Variants in PSMB2 observed in about 807,000 individuals in gnomAD.
PSMB2 encodes proteasome 20S subunit beta 2.
PSMB2 carries 13 observed loss-of-function variants against 25.7 expected under a neutral mutation model. The ratio of observed to expected loss-of-function variants is 0.51; its 90% CI spans 0.33 to 0.80. The LOEUF is 0.80. Ranked by LOEUF, PSMB2 falls within the 30% of genes least tolerant of loss-of-function variation. The probability of loss-of-function intolerance (pLI) is 0.02; values close to 1 mark genes in which losing one functional copy is unlikely to be tolerated. For missense variants in PSMB2, 202 were observed against 259.0 expected, an observed-to-expected ratio of 0.78 and a Z score of 1.51; for synonymous variants, 87 against 96.2, an observed-to-expected ratio of 0.90 and a Z score of 0.56.
intron 3 of PSMB2, among the ~76,000 whole-genome samples, chr1:35,612,943 G>C (rs1271981867): frequency 6.6e-6 from 1 of 152,186 alleles, no homozygotes; most frequent in Admixed American, 6.5e-5. Flanking sequence ...GAAAATTTTA[G>C]ATGAAATAGG....
chr1:35,604,529 C>T (rs1313165037), intron 5 of PSMB2, among the ~76,000 whole-genome samples: 3 of 152,176 alleles, frequency 2.0e-5, no homozygotes, highest in Admixed American at 1.3e-4. Flanking sequence ...CCTGTAATCC[C>T]AGCACTTTGG....
intron 3 of PSMB2, among the ~76,000 whole-genome samples, chr1:35,626,165 A>G (rs1272710405): frequency 6.6e-6 from 1 of 152,184 alleles, no homozygotes; most frequent in Non-Finnish European, 1.5e-5. Flanking sequence ...AGCATAGTAT[A>G]AGCCCTTTTT....
At chr1:35,606,029 A>C (rs1046808982) in intron 4 of PSMB2, among the ~76,000 whole-genome samples, 6 of 152,238 alleles carry the variant, frequency 3.9e-5, no homozygotes, top group Admixed American at 2.0e-4. Flanking sequence ...CGATACTGAC[A>C]GTGAAGAATG....
chr1:35,641,166 GACA>G (rs1305943539), intron 1 of PSMB2, among the ~76,000 whole-genome samples, 173 bp downstream of exon 1: 2 of 152,198 alleles, frequency 1.3e-5, no homozygotes, highest in South Asian at 2.1e-4. Context: ...CTCCGGCCTG[GACA>G]ACAAGAGCGA....
At position 35,599,719 on chromosome 1, in the gene PSMB2, T is replaced by G; in HGVS notation, c.*3548A>C. The G allele has an allele frequency of 1.0e-6, 1 of 984,998 alleles. No individual in the cohort carries two copies. Among genetic ancestry groups the G allele is most frequent in the Non-Finnish European group, 1.2e-6 (1 of 829,594 alleles). 61.0% of individuals were successfully genotyped at this position (984,998 alleles called of 1,614,324 possible). On this transcript the variant is annotated 3_prime_UTR_variant, in exon 6 of 6. Coordinates refer to ENST00000373237, the MANE Select transcript of PSMB2 (RefSeq NM_002794.5). ...AGAGAGGAATGGATGGTGAAACTAGTTTTTTAAAATATGGAGAAAGACCTG... is the reference window on the plus strand; with the variant it reads ...AGAGAGGAATGGATGGTGAAACTAGGTTTTTAAAATATGGAGAAAGACCTG...
At chr1:35,620,684 C>T (rs985633220) in intron 3 of PSMB2, among the ~76,000 whole-genome samples, 21 of 151,024 alleles carry the variant, frequency 1.4e-4, no homozygotes, top group South Asian at 2.1e-4. Context: ...GCCAAGACTG[C>T]GCCACTGCAC....
intron 1 of PSMB2, among the ~76,000 whole-genome samples, chr1:35,639,881 G>A (rs568930597): frequency 6.6e-6 from 1 of 152,138 alleles, no homozygotes; most frequent in Non-Finnish European, 1.5e-5. Flanking sequence ...AGTATAAGGT[G>A]CTATGTTAAG....
chr1:35,635,828 CAAAA>C (rs1163061850), intron 2 of PSMB2, among the ~76,000 whole-genome samples: 3 of 34,240 alleles, frequency 8.8e-5, no homozygotes, highest in Non-Finnish European at 1.4e-4. Context: ...GACTCCGTCT[CAAAA>C]AAAAAAAAAA....
intron 1 of PSMB2, among the ~76,000 whole-genome samples, chr1:35,640,099 A>ACTATACTATC (rs1372116995): frequency 1.3e-5 from 2 of 151,880 alleles, no homozygotes; most frequent in South Asian, 2.1e-4. Context: ...ACTATACTAT[A>ACTATACTATC]CTATCTATAC....
At chr1:35,620,956 G>A (rs1481169390) in intron 3 of PSMB2, among the ~76,000 whole-genome samples, 1 of 151,788 alleles carries the variant, frequency 6.6e-6, no homozygotes, top group Non-Finnish European at 1.5e-5. Flanking sequence ...GTGAGCCACT[G>A]TGCCCGGCTG....
chr1:35,638,752 A>G (rs1651313430), intron 1 of PSMB2, among the ~76,000 whole-genome samples: 1 of 152,178 alleles, frequency 6.6e-6, no homozygotes, highest in Non-Finnish European at 1.5e-5. Flanking sequence ...AAGCAAACCA[A>G]AAGTTATACC....
intron 3 of PSMB2, among the ~76,000 whole-genome samples, chr1:35,618,242 A>G (rs751974254): frequency 1.3e-4 from 20 of 152,194 alleles, no homozygotes; most frequent in Non-Finnish European, 2.8e-4. Flanking sequence ...TGAGGGAGAA[A>G]GAAGAGTGAG....
chr1:35,620,324 A>G (rs1650641181), intron 3 of PSMB2, among the ~76,000 whole-genome samples: 1 of 152,186 alleles, frequency 6.6e-6, no homozygotes, highest in African/African-American at 2.4e-5. Flanking sequence ...CAGATCCAAC[A>G]AAAGTTATTG....
chr1:35,604,917 G>A (rs75686426), intron 5 of PSMB2, among the ~76,000 whole-genome samples: 3,082 of 152,290 alleles, frequency 0.02, 89 homozygotes, highest in East Asian at 0.061. Context: ...CAGAATTGAG[G>A]GTTGGGGCAG....
chr1:35,638,728 GA>G (rs1233721972), intron 1 of PSMB2, among the ~76,000 whole-genome samples: 4 of 152,102 alleles, frequency 2.6e-5, no homozygotes, highest in African/African-American at 9.7e-5. Flanking sequence ...AAAGAGACAT[GA>G]AATGCGGCAT....
At chr1:35,628,615 ATATATATATATATATATT>A (rs1557456457) in intron 3 of PSMB2, among the ~76,000 whole-genome samples, 25 of 48,962 alleles carry the variant, frequency 5.1e-4, no homozygotes, top group Non-Finnish European at 7.6e-4. Flanking sequence ...ATATATATAT[ATATATATATATATATATT>A]TTTTTTTTTT....
At chr1:35,640,286 T>C (rs1051594122) in intron 1 of PSMB2, among the ~76,000 whole-genome samples, 15 of 152,170 alleles carry the variant, frequency 9.9e-5, no homozygotes, top group African/African-American at 3.4e-4. Flanking sequence ...CTTAGTATTA[T>C]TAAGTACCTG....
rs1256586290 is a variant in PSMB2, at chr1:35,628,614, T to A, written c.285+2660A>T. Among the ~76,000 whole-genome samples, 4 of 50,784 alleles carry A rather than the reference T, an allele frequency of 7.9e-5. 1 individual carries two copies. The highest frequency in any genetic ancestry group is 6.8e-3 in the East Asian group (2 of 292). The allele number at this position is 50,784 out of a possible 152,430, so 33.3% of individuals were successfully genotyped here. ...AAAAAAAAATATATATATATATATA[T>A]ATATATATATATATATATTTTTTTT... On this transcript the variant is annotated intron_variant, in intron 3 of 5. Transcript: ENST00000373237.
chr1:35,628,596 A>AAAAAATATATATATAT (rs59538661), intron 3 of PSMB2, among the ~76,000 whole-genome samples: 4 of 25,096 alleles, frequency 1.6e-4, no homozygotes, highest in African/African-American at 2.3e-4. Context: ...AAAAAAAAAA[A>AAAAAATATATATATAT]ATATATATAT....
Sources: gnomAD v4.1 joint callset for allele counts (sites outside exome capture counted in the v4.1 genomes callset) on GRCh38, gnomAD v4.1.1 for gene constraint, MANE v1.5 for transcripts, NCBI Gene and HGNC (gene_info 2026-07-23, HGNC 2026-07-21) for gene names.